Variants in NEK1 observed in about 807,000 individuals in gnomAD.
NEK1 encodes the protein serine/threonine-protein kinase Nek1.
NEK1 carries 137 observed loss-of-function variants against 182.1 expected under a neutral mutation model. That is an observed-to-expected ratio of 0.75 (90% CI 0.65 to 0.87). NEK1 has a LOEUF of 0.87. Ranked by LOEUF, NEK1 falls within the 40% of genes least tolerant of loss-of-function variation. The pLI, the probability that NEK1 is intolerant of heterozygous loss-of-function variation, is 0.00. For synonymous variants in NEK1, 513 were observed against 492.2 expected, an observed-to-expected ratio of 1.04 and a Z score of -0.56; for missense variants, 1,391 against 1,494.4, an observed-to-expected ratio of 0.93 and a Z score of 1.14.
chr4:169,563,685 C>A (rs1464647989), intron 12 of NEK1, among the ~76,000 whole-genome samples: 5 of 152,174 alleles, frequency 3.3e-5, no homozygotes, highest in Non-Finnish European at 7.3e-5. Context: ...GATAATGCTT[C>A]CAATGTTTCA....
At chr4:169,496,183 C>T (rs1751233819) in intron 23 of NEK1, among the ~76,000 whole-genome samples, 1 of 152,132 alleles carries the variant, frequency 6.6e-6, no homozygotes, top group African/African-American at 2.4e-5. Context: ...TGGGAGTTCA[C>T]TCATGATTTG....
intron 26 of NEK1, among the ~76,000 whole-genome samples, chr4:169,465,621 G>C (rs564240696): frequency 6.6e-6 from 1 of 152,166 alleles, no homozygotes; most frequent in South Asian, 2.1e-4. Context: ...ACAATACTTC[G>C]AGTTCACACA....
chr4:169,479,923 T>C (rs1747678473), intron 23 of NEK1, among the ~76,000 whole-genome samples: 1 of 152,116 alleles, frequency 6.6e-6, no homozygotes, highest in Non-Finnish European at 1.5e-5. Context: ...AGTTCAAATA[T>C]CAATTACTCA....
In NEK1 at chr4:169,443,859, G is replaced by A. The variant is rs115965874; in HGVS notation, c.2588-5600C>T. On this transcript the variant is annotated intron_variant, in intron 27 of 35. Transcript: ENST00000507142. ...GAAAACTTATAAGATAGGAGAAAAC[G>A]GGATGATATATTCAAAGTGCTGAGA... is the stretch of plus-strand genomic sequence containing the variant. Among the ~76,000 whole-genome samples, 1,104 of 152,200 alleles carry A rather than the reference G, an allele frequency of 7.3e-3. 14 individuals are homozygous for A. The highest frequency in any genetic ancestry group is 0.025 in the African/African-American group (1,040 of 41,530).
rs1017478022 is a variant in NEK1, at chr4:169,599,663, T to A, written c.215-466A>T. Among the ~76,000 whole-genome samples, 10 of 152,190 alleles carry A rather than the reference T, an allele frequency of 6.6e-5. 1 individual carries two copies. Among genetic ancestry groups the A allele is most frequent in the Non-Finnish European group, 1.3e-4 (9 of 68,028 alleles). On this transcript the variant is annotated intron_variant, in intron 4 of 35. Transcript: ENST00000507142. The stretch of plus-strand genomic sequence containing the variant: ...ATTAAATAAATAAAATAATAAGTGT[T>A]GTGATAAACTCTGAGGATTCAACAG...
chr4:169,598,450 T>A (rs1328261608), intron 5 of NEK1, among the ~76,000 whole-genome samples: 2 of 146,992 alleles, frequency 1.4e-5, no homozygotes, highest in African/African-American at 5.0e-5. Context: ...GAACTGAGCT[T>A]AAAAAAAAAA....
intron 31 of NEK1, among the ~76,000 whole-genome samples, chr4:169,417,317 C>T (rs1734708956): frequency 6.6e-6 from 1 of 152,098 alleles, no homozygotes; most frequent in Non-Finnish European, 1.5e-5. Flanking sequence ...CCTTGTAGAC[C>T]ATGGTAAAGA....
In NEK1 at chr4:169,591,198, T is replaced by A. The variant is rs1370025028; in HGVS notation, c.313-389A>T. ...TCTTGCTCTATCACCCAGGCTGGAG[T>A]GCAGTCGTGTTATCATAGTTCACTT... On this transcript the variant is annotated intron_variant, in intron 5 of 35. Transcript: ENST00000507142. Among the ~76,000 whole-genome samples the A allele has an allele frequency of 4.0e-5, 6 of 148,306 alleles. 1 individual carries two copies. In the South Asian group the frequency reaches 1.1e-3, roughly 28 times the overall value.
chr4:169,537,699 T>G lies in NEK1; in HGVS notation c.1665+110A>C, dbSNP rs1580566894. On this transcript the variant is annotated intron_variant, in intron 19 of 35. Transcript: ENST00000507142. ...TCTGAGTATCTTTACTGCCTCTTAT[T>G]ATGCCTAGATTGTTAGACTGTCATT... 39 of 826,008 alleles carry G rather than the reference T, an allele frequency of 4.7e-5. No homozygotes were observed. In the East Asian group the frequency reaches 9.4e-4, roughly 20 times the overall value. 51.2% of individuals were successfully genotyped at this position (826,008 alleles called of 1,614,324 possible).
At chr4:169,546,504 A>G (rs1760483429) in intron 18 of NEK1, among the ~76,000 whole-genome samples, 1 of 152,140 alleles carries the variant, frequency 6.6e-6, no homozygotes, top group Admixed American at 6.5e-5. Flanking sequence ...AGGTCCGCTC[A>G]GTCCAGAGCT....
At chr4:169,588,941 G>T (rs1019575599) in intron 7 of NEK1, among the ~76,000 whole-genome samples, 1 of 152,026 alleles carries the variant, frequency 6.6e-6, no homozygotes, top group Non-Finnish European at 1.5e-5. Flanking sequence ...TAGTATAGCC[G>T]AAGTGTACAG....
intron 12 of NEK1, among the ~76,000 whole-genome samples, chr4:169,569,467 C>CCTCCCCCT (rs1764279887): frequency 8.5e-6 from 1 of 118,220 alleles, no homozygotes; most frequent in African/African-American, 4.1e-5. Context: ...TCTCTCCCTC[C>CCTCCCCCT]CTCCCTCTCT....
At chr4:169,503,878 T>C (rs1016219939) in intron 23 of NEK1, among the ~76,000 whole-genome samples, 1 of 151,910 alleles carries the variant, frequency 6.6e-6, no homozygotes, top group Non-Finnish European at 1.5e-5. Flanking sequence ...ATGGACTTGA[T>C]TGCACATCAA....
intron 29 of NEK1, among the ~76,000 whole-genome samples, chr4:169,430,670 T>C (rs910475354): frequency 6.6e-6 from 1 of 152,194 alleles, no homozygotes; most frequent in African/African-American, 2.4e-5. Flanking sequence ...TAGTGTAATG[T>C]GAATCCATGT....
At chr4:169,396,303 T>G (rs1487060144) in intron 35 of NEK1, among the ~76,000 whole-genome samples, 1 of 129,334 alleles carries the variant, frequency 7.7e-6, no homozygotes, top group Non-Finnish European at 1.5e-5. Context: ...GAGGCAGAGG[T>G]TGCAGTGAGC....
chr4:169,448,644 CAG>C (rs1017733555), intron 27 of NEK1, among the ~76,000 whole-genome samples: 2 of 152,156 alleles, frequency 1.3e-5, no homozygotes, highest in Non-Finnish European at 2.9e-5. Flanking sequence ...AATCAAAAGA[CAG>C]AGAGTGGCTG....
chr4:169,567,974 T>C (rs1233641282), intron 12 of NEK1, among the ~76,000 whole-genome samples: 1 of 152,182 alleles, frequency 6.6e-6, no homozygotes, highest in African/African-American at 2.4e-5. Context: ...AAGGAAAACA[T>C]TAAGAAAACC....
At chr4:169,416,218 AATGTTCTC>A (rs1734523370) in intron 31 of NEK1, among the ~76,000 whole-genome samples, 1 of 152,164 alleles carries the variant, frequency 6.6e-6, no homozygotes, top group African/African-American at 2.4e-5. Flanking sequence ...TTTTGCTTTA[AATGTTCTC>A]ATGTCTTATC....
At chr4:169,521,101 C>A (rs1182625952) in intron 19 of NEK1, among the ~76,000 whole-genome samples, 8 of 82,050 alleles carry the variant, frequency 9.8e-5, no homozygotes, top group Non-Finnish European at 1.5e-4. Flanking sequence ...CGCCCCTCCC[C>A]CAGCCTCGTT....
Sources: allele counts gnomAD v4.1 joint callset (sites outside exome capture counted in the v4.1 genomes callset), GRCh38; gene constraint gnomAD v4.1.1; transcripts MANE v1.5; gene names NCBI Gene and HGNC (gene_info 2026-07-23, HGNC 2026-07-21).